The following STRIP2 variants were observed in gnomAD, a reference collection of about 807,000 sequenced individuals.
The protein encoded by STRIP2 is striatin interacting protein 2.
STRIP2 carries 84 observed loss-of-function variants against 107.1 expected under a neutral mutation model. The observed-to-expected ratio is 0.78, with a 90% confidence interval of 0.66 to 0.94. The LOEUF is 0.94. Ranked by LOEUF, STRIP2 falls within the 40% of genes least tolerant of loss-of-function variation. The pLI, the probability that STRIP2 is intolerant of heterozygous loss-of-function variation, is 0.00. For missense variants in STRIP2, 888 were observed against 1,034.2 expected, an observed-to-expected ratio of 0.86 and a Z score of 1.94; for synonymous variants, 394 against 400.4, an observed-to-expected ratio of 0.98 and a Z score of 0.19.
chr7:129,463,975 G>A, intron 14 of STRIP2, 69 bp from the exon 15 acceptor site: 1 of 1,217,638 alleles, frequency 8.2e-7, no homozygotes, highest in South Asian at 1.2e-5. Context: ...GGCGGTTAGG[G>A]TGTGGAAGAA....
At chr7:129,443,402 G>A (rs1797954021) in intron 2 of STRIP2, among the ~76,000 whole-genome samples, 1 of 152,136 alleles carries the variant, frequency 6.6e-6, no homozygotes, top group South Asian at 2.1e-4. Flanking sequence ...GCTGCTGTTA[G>A]CAAAGTTAGA....
intron 18 of STRIP2, among the ~76,000 whole-genome samples, chr7:129,472,404 T>C (rs996327721): frequency 2.0e-5 from 3 of 152,220 alleles, no homozygotes; most frequent in Admixed American, 2.0e-4. Flanking sequence ...AACATAATAA[T>C]TTATTATGTT....
intron 17 of STRIP2, among the ~76,000 whole-genome samples, chr7:129,469,265 C>T (rs1279499309): frequency 4.6e-5 from 7 of 152,220 alleles, no homozygotes; most frequent in Non-Finnish European, 1.5e-5. Context: ...CAAGATGATC[C>T]TCTTATGCAC....
intron 3 of STRIP2, among the ~76,000 whole-genome samples, chr7:129,448,219 C>T (rs561713524): frequency 6.6e-6 from 1 of 152,300 alleles, no homozygotes; most frequent in East Asian, 1.9e-4. Context: ...ACCTGACCTC[C>T]ATAAGCCCCT....
chr7:129,448,250 A>G (rs552491145), intron 3 of STRIP2, among the ~76,000 whole-genome samples: 3 of 152,140 alleles, frequency 2.0e-5, no homozygotes, highest in Non-Finnish European at 4.4e-5. Flanking sequence ...GAGGACCACA[A>G]TGACATTTTG....
At chr7:129,454,284 G>A in intron 6 of STRIP2, 74 bp downstream of exon 6, 1 of 1,543,402 alleles carries the variant, frequency 6.5e-7, no homozygotes, top group Non-Finnish European at 8.9e-7. Context: ...CCAAATCCCA[G>A]ATGACTCAGA....
Position 129,467,416 on chromosome 7 carries a change from CA to C in STRIP2, c.1847del (p.Asn616IlefsTer53). On this transcript the variant is annotated frameshift_variant, in exon 17 of 21. Transcript: ENST00000249344. LOFTEE classifies it high-confidence loss of function. ...CIPLILKFFNQNILSYITAKN... is the reference protein window; with the variant it reads ...CIPLILKFFNXNILSYITAKN... ...CCCCTTGATCCTGAAGTTCTTCAAT[CA>C]AAATATCTTGTCATACATCACTGCC... 1 of 1,613,614 alleles carries C rather than the reference CA, an allele frequency of 6.2e-7. No individual in the cohort carries two copies. The highest frequency in any genetic ancestry group is 8.5e-7 in the Non-Finnish European group (1 of 1,179,802).
intron 18 of STRIP2, among the ~76,000 whole-genome samples, chr7:129,472,026 A>G (rs1368328394): frequency 1.3e-5 from 2 of 152,196 alleles, no homozygotes; most frequent in African/African-American, 4.8e-5. Context: ...AGATGTAGCT[A>G]TTAAATCGTT....
rs1008100115 is a variant in STRIP2 at position 129,461,942 on chromosome 7, G to C, written c.1477-1024G>C. Among the ~76,000 whole-genome samples the C allele has an allele frequency of 1.3e-5, 2 of 152,204 alleles. No individual in the cohort carries two copies. The highest frequency in any genetic ancestry group is 4.8e-5 in the African/African-American group (2 of 41,452). ...AAAGCAAATGGGTGTGGGATCCTGA[G>C]CACAAGTAGGAGACTGGCCTTTGTT... On this transcript the variant is annotated intron_variant, in intron 13 of 20. Transcript: ENST00000249344. This position sits in a 1 kb window ranked among gnomAD's most constrained non-coding sequence, Gnocchi z 4.0.
chr7:129,452,370 C>A (rs35544616), intron 4 of STRIP2, among the ~76,000 whole-genome samples: 46,954 of 151,616 alleles, frequency 0.31, 8,479 homozygotes, highest in East Asian at 0.6. Context: ...GTTAACAGAA[C>A]CAACCAGTTG....
In STRIP2 at chr7:129,437,821, T is replaced by G. The variant is rs548125869; in HGVS notation, c.130-2201T>G. Among the ~76,000 whole-genome samples the G allele has an allele frequency of 1.2e-3, 182 of 150,828 alleles. 2 individuals carry two copies. Among genetic ancestry groups the G allele is most frequent in the African/African-American group, 4.2e-3 (172 of 41,000 alleles). On this transcript the variant is annotated intron_variant, in intron 1 of 20. Coordinates refer to ENST00000249344, the MANE Select transcript of STRIP2 (RefSeq NM_020704.3). ...GCCTTGTTTTTTTTTGTTTTTTTTT[T>G]TTTTGACAGAGTCTCACTCTGTCAC... is the stretch of plus-strand genomic sequence containing the variant.
chr7:129,463,010 G>A lies in STRIP2; in HGVS notation c.1521G>A (p.Gln507=), dbSNP rs535309436. The A allele has an allele frequency of 6.6e-5, 107 of 1,614,070 alleles. No homozygotes were observed. In the East Asian group the frequency reaches 1.4e-3, roughly 21 times the overall value. ...AGACGCCATGTGAAATCCTCTACCAGGGAATGCTGTACAGCCTTCCGCAGT... is the reference window on the plus strand; with the variant it reads ...AGACGCCATGTGAAATCCTCTACCAAGGAATGCTGTACAGCCTTCCGCAGT... ...VPETPCEILY[Q]GMLYSLPQYM... The change falls in exon 14 of 21, where the codon CAG becomes CAA. Residue 507 remains glutamine (Q), a synonymous_variant. Transcript: ENST00000249344.
At position 129,487,464 on chromosome 7, in the gene STRIP2, C is replaced by G. The variant is rs1270919795; in HGVS notation, c.*1635C>G. On this transcript the variant is annotated 3_prime_UTR_variant, in exon 21 of 21. Coordinates refer to ENST00000249344, the MANE Select transcript of STRIP2 (RefSeq NM_020704.3). ...CCCCTCGTCAACCACAGTATCATTT[C>G]AAGGACATGAATAAAATACTTGACA... 6.6e-6 allele frequency: 1 copy of G among 152,166 alleles called. No homozygotes were observed. The highest frequency in any genetic ancestry group is 1.5e-5 in the Non-Finnish European group (1 of 68,030). The allele number at this position is 152,166 out of a possible 1,614,324, so 9.4% of individuals were successfully genotyped here. A position where few individuals can be genotyped will look rare whatever the true frequency, so the allele number is the denominator to read the frequency against.
chr7:129,468,676 G>A (rs12671604), intron 17 of STRIP2, among the ~76,000 whole-genome samples: 47,050 of 152,072 alleles, frequency 0.31, 8,510 homozygotes, highest in East Asian at 0.6. Flanking sequence ...TGAAAGTACA[G>A]GTCAGGCTGT....
chr7:129,438,547 G>C (rs1466422946), intron 1 of STRIP2, among the ~76,000 whole-genome samples: 1 of 152,096 alleles, frequency 6.6e-6, no homozygotes, highest in Non-Finnish European at 1.5e-5. Context: ...TTTTACAGAT[G>C]GGAAAACTGA....
Position 129,485,869 on chromosome 7 carries a change from C to T in STRIP2, c.*40C>T, listed in dbSNP as rs1419340626. 1.9e-6 allele frequency: 3 copies of T among 1,607,694 alleles called. No homozygotes were observed. The highest frequency in any genetic ancestry group is 2.7e-5 in the African/African-American group (2 of 74,838). ...ACAAGCATCAATAGATAGAGGTCAGCTCCAATAAACTGTGCTCTGCCTACC... is the reference window on the plus strand; with the variant it reads ...ACAAGCATCAATAGATAGAGGTCAGTTCCAATAAACTGTGCTCTGCCTACC... On this transcript the variant is annotated 3_prime_UTR_variant, in exon 21 of 21. Coordinates refer to ENST00000249344, the MANE Select transcript of STRIP2 (RefSeq NM_020704.3).
rs1356167477 is a variant in STRIP2, at chr7:129,444,010, C to T, written c.200-14C>T. ...GATCTCCCGAATGTGACTGTTCTGT[C>T]TTTCCTGCCACAGAATTGTATAGTT... On this transcript the variant is annotated splice_polypyrimidine_tract_variant and intron_variant, in intron 2 of 20. Coordinates refer to ENST00000249344, the MANE Select transcript of STRIP2 (RefSeq NM_020704.3). 1 of 1,608,602 alleles carries T rather than the reference C, an allele frequency of 6.2e-7. No homozygotes were observed. Among genetic ancestry groups the T allele is most frequent in the Non-Finnish European group, 8.5e-7 (1 of 1,175,074 alleles).
chr7:129,450,447 C>G (rs1383263595), intron 3 of STRIP2, among the ~76,000 whole-genome samples: 1 of 152,206 alleles, frequency 6.6e-6, no homozygotes, highest in Non-Finnish European at 1.5e-5. Context: ...ATCCCATCTT[C>G]AACTTTGCCC....
At chr7:129,447,917 C>T (rs1230181767) in intron 3 of STRIP2, among the ~76,000 whole-genome samples, 1 of 152,158 alleles carries the variant, frequency 6.6e-6, no homozygotes, top group Non-Finnish European at 1.5e-5. Context: ...TGGGAATCAC[C>T]ACTCCTTTGT....
Sources: allele counts gnomAD v4.1 joint callset (sites outside exome capture counted in the v4.1 genomes callset), GRCh38; gene constraint gnomAD v4.1.1; non-coding constraint Gnocchi (gnomAD v3.1); transcripts MANE v1.5; gene names NCBI Gene and HGNC (gene_info 2026-07-23, HGNC 2026-07-21).